Variants in LRCH1 observed in about 807,000 individuals in gnomAD.
LRCH1 encodes leucine-rich repeat and calponin homology domain-containing protein 1.
Under a neutral mutation model 94.9 loss-of-function variants are expected in LRCH1, and 23 were observed. That is an observed-to-expected ratio of 0.24 (90% CI 0.17 to 0.34). The LOEUF (loss-of-function observed/expected upper bound fraction) is 0.34. LRCH1 is among the 10% of genes least tolerant of loss of function. The probability of loss-of-function intolerance (pLI) is 1.00; values close to 1 mark genes in which losing one functional copy is unlikely to be tolerated. For synonymous variants in LRCH1, 364 were observed against 354.9 expected (o/e 1.03, Z -0.29); for missense variants, 790 against 945.9 (o/e 0.84, Z 2.16).
chr13:46,635,424 G>C (rs1401551618), intron 1 of LRCH1, among the ~76,000 whole-genome samples: 1 of 151,068 alleles, frequency 6.6e-6, no homozygotes, highest in African/African-American at 2.4e-5. Context: ...GATGCCCCTG[G>C]GAAGGCCACA....
intron 4 of LRCH1, among the ~76,000 whole-genome samples, chr13:46,684,430 C>A (rs1240817008): frequency 6.6e-6 from 1 of 152,144 alleles, no homozygotes; most frequent in Non-Finnish European, 1.5e-5. Flanking sequence ...TAAGTTTTCT[C>A]CTGCTATGTT....
chr13:46,651,519 G>T (rs866869774), intron 2 of LRCH1, among the ~76,000 whole-genome samples: 2 of 151,916 alleles, frequency 1.3e-5, no homozygotes, highest in Admixed American at 1.3e-4. Context: ...AATTAGCTGG[G>T]CGTGGTGGCG....
At chr13:46,629,532 G>C (rs546700231) in intron 1 of LRCH1, among the ~76,000 whole-genome samples, 130 of 152,306 alleles carry the variant, frequency 8.5e-4, no homozygotes, top group African/African-American at 3.1e-3. Flanking sequence ...CTTTGATTCT[G>C]TCTTCAGCAA....
chr13:46,578,724 T>C (rs911290611), intron 1 of LRCH1, among the ~76,000 whole-genome samples: 4 of 152,120 alleles, frequency 2.6e-5, no homozygotes, highest in Non-Finnish European at 4.4e-5. Flanking sequence ...CAACTGTTGC[T>C]AGCTTGGATT....
chr13:46,689,034 G>A, intron 6 of LRCH1, 99 bp from the exon 7 acceptor site: 1 of 983,452 alleles, frequency 1.0e-6, no homozygotes. Flanking sequence ...AATTTGCGTA[G>A]CAAAATTATT....
Position 46,742,572 on chromosome 13 carries a change from AG to A in LRCH1, c.*726del. 1.0e-6 allele frequency: 1 copy of A among 985,466 alleles called. No homozygotes were observed. Among genetic ancestry groups the A allele is most frequent in the Non-Finnish European group, 1.2e-6 (1 of 829,958 alleles). 61.0% of individuals were successfully genotyped at this position (985,466 alleles called of 1,614,324 possible). On this transcript the variant is annotated 3_prime_UTR_variant, in exon 20 of 20. Transcript: ENST00000389797. Reference sequence around the variant, plus strand: ...TCGTTGCTGTTAGAGCCTCACGTGGAGGAGTCACTTAAACACCAGTTTTTTA... The same window carrying A: ...TCGTTGCTGTTAGAGCCTCACGTGGAGAGTCACTTAAACACCAGTTTTTTA...
chr13:46,627,281 G>GC (rs976424516), intron 1 of LRCH1, among the ~76,000 whole-genome samples: 5 of 152,184 alleles, frequency 3.3e-5, no homozygotes, highest in Non-Finnish European at 7.4e-5. Context: ...TGGGGCTTAA[G>GC]CATCTGTGTG....
At chr13:46,615,863 T>G (rs2050801888) in intron 1 of LRCH1, among the ~76,000 whole-genome samples, 1 of 151,790 alleles carries the variant, frequency 6.6e-6, no homozygotes, top group Admixed American at 6.5e-5. Context: ...CCAGGAAGCA[T>G]TATGCTTTGA....
intron 1 of LRCH1, among the ~76,000 whole-genome samples, chr13:46,558,560 A>C (rs1227069383): frequency 2.4e-5 from 3 of 123,116 alleles, no homozygotes; most frequent in Non-Finnish European, 4.8e-5. Flanking sequence ...AGACGGTGAA[A>C]CCCTGTGTCT....
Position 46,663,483 on chromosome 13 carries a change from A to G in LRCH1, c.453-5547A>G, listed in dbSNP as rs77756387. On this transcript the variant is annotated intron_variant, in intron 2 of 19. Transcript: ENST00000389797. The stretch of plus-strand genomic sequence containing the variant: ...GCCATGGTGGATTTTTCAGAATGGA[A>G]CAAGCAGGAAAAAGGAAATGGTTCT... 7.9e-3 allele frequency among the ~76,000 whole-genome samples: 1,202 copies of G among 152,274 alleles called. 18 individuals are homozygous for G. Among genetic ancestry groups the G allele is most frequent in the African/African-American group, 0.027 (1,127 of 41,532 alleles).
chr13:46,685,654 G>A (rs1870569489), intron 4 of LRCH1, among the ~76,000 whole-genome samples: 1 of 152,110 alleles, frequency 6.6e-6, no homozygotes, highest in Non-Finnish European at 1.5e-5. Flanking sequence ...TATTGTAAAT[G>A]TTAAGTGTTT....
chr13:46,692,785 G>A (rs1014655336), intron 8 of LRCH1, 144 bp downstream of exon 8: 17 of 618,884 alleles, frequency 2.7e-5, no homozygotes, highest in African/African-American at 2.0e-4. Context: ...GGGAAGTTGA[G>A]CTGATTTAAA....
intron 1 of LRCH1, among the ~76,000 whole-genome samples, chr13:46,616,069 G>A (rs990376435): frequency 6.6e-6 from 1 of 152,204 alleles, no homozygotes; most frequent in African/African-American, 2.4e-5. Context: ...TTAGAATTAC[G>A]ATGCAGTAAT....
chr13:46,632,484 A>G (rs1056028015), intron 1 of LRCH1, among the ~76,000 whole-genome samples: 3 of 152,222 alleles, frequency 2.0e-5, no homozygotes, highest in African/African-American at 7.2e-5. Flanking sequence ...CCACTTTAGC[A>G]TGAGACTAAT....
chr13:46,689,284 G>T lies in LRCH1; in HGVS notation c.1014+88G>T, dbSNP rs1237058089. 4 of 921,512 alleles carry T rather than the reference G, an allele frequency of 4.3e-6. No individual in the cohort carries two copies. The Admixed American group carries it at 8.7e-5, about 20-fold the overall frequency. 57.1% of individuals were successfully genotyped at this position (921,512 alleles called of 1,614,324 possible). On this transcript the variant is annotated intron_variant, in intron 7 of 19. Coordinates refer to ENST00000389797, the MANE Select transcript of LRCH1 (RefSeq NM_001164211.2). ...GAACTCCTTTCTGTTAAAGGGCATC[G>T]ATTCATTTGTATATTCATGTGATAT...
chr13:46,696,548 G>C (rs1262781024), intron 9 of LRCH1, among the ~76,000 whole-genome samples: 1 of 152,172 alleles, frequency 6.6e-6, no homozygotes, highest in Non-Finnish European at 1.5e-5. Flanking sequence ...AGATTTCAAG[G>C]ACTTCCTGGA....
intron 3 of LRCH1, among the ~76,000 whole-genome samples, chr13:46,669,392 G>T (rs777666137): frequency 8.5e-5 from 13 of 152,122 alleles, no homozygotes; most frequent in Non-Finnish European, 1.8e-4. Context: ...AAGTTTGCAG[G>T]ATTTGCCGTT....
At chr13:46,571,723 C>T (rs145231678) in intron 1 of LRCH1, among the ~76,000 whole-genome samples, 2 of 152,208 alleles carry the variant, frequency 1.3e-5, no homozygotes, top group Admixed American at 1.3e-4. Context: ...AATTCTGGCT[C>T]TGTCACTTAG....
intron 13 of LRCH1, among the ~76,000 whole-genome samples, chr13:46,710,998 C>G (rs1198541722): frequency 6.6e-6 from 1 of 152,120 alleles, no homozygotes; most frequent in East Asian, 1.9e-4. Context: ...TCTGGCCACT[C>G]TCATGGACTC....
Sources: allele counts gnomAD v4.1 joint callset (sites outside exome capture counted in the v4.1 genomes callset), GRCh38; gene constraint gnomAD v4.1.1; transcripts MANE v1.5; gene names NCBI Gene and HGNC (gene_info 2026-07-23, HGNC 2026-07-21).